Variants in YWHAB observed in about 807,000 individuals in gnomAD.
The protein encoded by YWHAB is tyrosine 3-monooxygenase/tryptophan 5-monooxygenase activation protein beta.
A neutral mutation model predicts 28.5 loss-of-function variants in YWHAB; 2 were observed. The ratio of observed to expected loss-of-function variants is 0.07; its 90% CI spans 0.03 to 0.22. The LOEUF (loss-of-function observed/expected upper bound fraction) is 0.22, where lower values mean the gene tolerates loss of function less well. YWHAB is among the 10% of genes least tolerant of loss of function. The pLI, the probability that YWHAB is intolerant of heterozygous loss-of-function variation, is 1.00. For synonymous variants in YWHAB, 103 were observed against 104.7 expected (o/e 0.98, Z 0.10); for missense variants, 148 against 297.1 (o/e 0.50, Z 3.69).
At chr20:44,905,931 C>CG (rs2066653246) in intron 4 of YWHAB, 70 bp from the exon 5 acceptor site, 1 of 1,208,196 alleles carries the variant, frequency 8.3e-7, no homozygotes, top group East Asian at 2.3e-5. Flanking sequence ...ATTCACCTAG[C>CG]GGGAAAAAAA....
At position 44,906,881 on chromosome 20, in the gene YWHAB, G is replaced by T. The variant is rs549413233; in HGVS notation, c.*443G>T. On this transcript the variant is annotated 3_prime_UTR_variant, in exon 6 of 6. Transcript: ENST00000353703. The stretch of plus-strand genomic sequence containing the variant: ...TTATAGAGATTATATTGTGATGCTG[G>T]AACTTGGAGTGAGACACACATCATT... The T allele has an allele frequency of 6.5e-6, 1 of 154,786 alleles. No individual in the cohort carries two copies. Among genetic ancestry groups the T allele is most frequent in the African/African-American group, 2.4e-5 (1 of 41,558 alleles). The allele number at this position is 154,786 out of a possible 1,614,324, so 9.6% of individuals were successfully genotyped here. A position where few individuals can be genotyped will look rare whatever the true frequency, so the allele number is the denominator to read the frequency against.
At chr20:44,887,645 T>C (rs1200001314) in intron 1 of YWHAB, 1 of 152,212 alleles carries the variant, frequency 6.6e-6, no homozygotes, top group African/African-American at 2.4e-5. Context: ...GCTGGTTCTC[T>C]AGGCAGAGTC....
At chr20:44,886,277 T>G (rs1399085745) in intron 1 of YWHAB, 1 of 152,346 alleles carries the variant, frequency 6.6e-6, no homozygotes, top group Non-Finnish European at 1.5e-5. Flanking sequence ...TGCTCCGTGC[T>G]TTCTGGTTTC....
intron 1 of YWHAB, among the ~76,000 whole-genome samples, chr20:44,899,132 G>C (rs1381543462): frequency 6.6e-6 from 1 of 151,130 alleles, no homozygotes; most frequent in Admixed American, 6.6e-5. Flanking sequence ...ATCATTTTCA[G>C]AGCCTTAAAT....
In YWHAB at chr20:44,904,949, T is replaced by C. The variant is rs765917749; in HGVS notation, c.425-19T>C. On this transcript the variant is annotated intron_variant, in intron 3 of 5. Coordinates refer to ENST00000353703, the MANE Select transcript of YWHAB (RefSeq NM_139323.4). The stretch of plus-strand genomic sequence containing the variant: ...TATGAAAGAACCGAGCCTTTAATAT[T>C]TTCATCTTTATGTTACAGCCACTGT... 8.9e-5 allele frequency: 139 copies of C among 1,568,686 alleles called. No homozygotes were observed. Among genetic ancestry groups the C allele is most frequent in the Non-Finnish European group, 1.1e-4 (131 of 1,155,826 alleles).
At chr20:44,894,938 T>G (rs998927875) in intron 1 of YWHAB, among the ~76,000 whole-genome samples, 1 of 152,274 alleles carries the variant, frequency 6.6e-6, no homozygotes, top group South Asian at 2.1e-4. Context: ...TTGATATTCA[T>G]TTGCATATGA....
At position 44,901,623 on chromosome 20, in the gene YWHAB, A is replaced by C; in HGVS notation, c.90A>C (p.Ala30=). Residue 30 remains alanine, a synonymous_variant, in exon 2 of 6, where the codon GCA becomes GCC. Transcript: ENST00000353703. ...RYDDMAAAMK[A]VTEQGHELSN... ...ATGATATGGCTGCAGCCATGAAGGC[A>C]GTCACAGAACAGGGGCATGAACTCT... 1 of 1,614,220 alleles carries C rather than the reference A, an allele frequency of 6.2e-7. No homozygotes were observed.
chr20:44,888,640 T>C (rs2066542349), intron 1 of YWHAB, among the ~76,000 whole-genome samples: 1 of 152,230 alleles, frequency 6.6e-6, no homozygotes, highest in Admixed American at 6.5e-5. Flanking sequence ...AATGGGAATA[T>C]TAGCTATTTT....
intron 1 of YWHAB, among the ~76,000 whole-genome samples, chr20:44,894,743 A>G (rs2066585566): frequency 6.6e-6 from 1 of 152,218 alleles, no homozygotes; most frequent in South Asian, 2.1e-4. Flanking sequence ...CCTCATCTTC[A>G]CAGCAACTCT....
intron 1 of YWHAB, among the ~76,000 whole-genome samples, chr20:44,888,683 C>T (rs1342392386): frequency 1.3e-5 from 2 of 152,154 alleles, no homozygotes; most frequent in African/African-American, 2.4e-5. Context: ...TATTGTGGAG[C>T]ATATACCCAT....
At chr20:44,904,242 A>G (rs1391001831) in intron 3 of YWHAB, 126 bp downstream of exon 3, 2 of 1,252,426 alleles carry the variant, frequency 1.6e-6, no homozygotes, top group Non-Finnish European at 2.2e-6. Flanking sequence ...AATTTAAAAG[A>G]CCACAGCATT....
chr20:44,891,122 A>G (rs1010380372), intron 1 of YWHAB, among the ~76,000 whole-genome samples: 6 of 150,898 alleles, frequency 4.0e-5, no homozygotes, highest in Admixed American at 3.3e-4. Flanking sequence ...AGATTTGCCT[A>G]TGTTTTTTTT....
intron 1 of YWHAB, among the ~76,000 whole-genome samples, chr20:44,890,919 T>C (rs2066557754): frequency 6.6e-6 from 1 of 152,230 alleles, no homozygotes; most frequent in East Asian, 1.9e-4. Context: ...AATTGTTATG[T>C]GCCTTTCTTT....
At chr20:44,904,243 C>CCA in intron 3 of YWHAB, 127 bp downstream of exon 3, 3 of 1,243,072 alleles carry the variant, frequency 2.4e-6, no homozygotes, top group Non-Finnish European at 1.1e-6. Context: ...ATTTAAAAGA[C>CCA]CACAGCATTG....
rs529611604 is a variant in YWHAB, at chr20:44,900,507, A to G, written c.-3-1024A>G. On this transcript the variant is annotated intron_variant, in intron 1 of 5. Transcript: ENST00000353703. ...AAGTTAGCAGATTACAGAAGATGTGATATAATCTTTCCCATCCTTCAGTTA... is the reference window on the plus strand; with the variant it reads ...AAGTTAGCAGATTACAGAAGATGTGGTATAATCTTTCCCATCCTTCAGTTA... 2.0e-5 allele frequency among the ~76,000 whole-genome samples: 3 copies of G among 152,342 alleles called. No individual in the cohort carries two copies. The South Asian group carries it at 6.2e-4, about 32-fold the overall frequency.
chr20:44,897,729 G>C (rs1241114395), intron 1 of YWHAB, among the ~76,000 whole-genome samples: 1 of 152,180 alleles, frequency 6.6e-6, no homozygotes, highest in Non-Finnish European at 1.5e-5. Context: ...GGAACCTGCA[G>C]ATATGGAGGG....
At chr20:44,888,419 A>C (rs2066540759) in intron 1 of YWHAB, among the ~76,000 whole-genome samples, 1 of 152,238 alleles carries the variant, frequency 6.6e-6, no homozygotes, top group Non-Finnish European at 1.5e-5. Flanking sequence ...CAGATGGGGA[A>C]ACTAAGGCAC....
At chr20:44,886,832 A>G (rs1333907203) in intron 1 of YWHAB, 1 of 152,158 alleles carries the variant, frequency 6.6e-6, no homozygotes, top group African/African-American at 2.4e-5. Context: ...TGTAAAATAC[A>G]TGTTTCTTGT....
In YWHAB at chr20:44,906,814, T is replaced by C. The variant is rs1327485932; in HGVS notation, c.*376T>C. On this transcript the variant is annotated 3_prime_UTR_variant, in exon 6 of 6. Transcript: ENST00000353703. ...TGGAAGGTTTAATCTGATATCAAAA[T>C]AATCATTGAAATACAATTCCATTGT... 2 of 161,396 alleles carry C rather than the reference T, an allele frequency of 1.2e-5. No individual in the cohort carries two copies. The highest frequency in any genetic ancestry group is 2.7e-5 in the Non-Finnish European group (2 of 72,994). The allele number at this position is 161,396 out of a possible 1,614,324, so 10.0% of individuals were successfully genotyped here.
Sources: gnomAD v4.1 joint callset for allele counts (sites outside exome capture counted in the v4.1 genomes callset) on GRCh38, gnomAD v4.1.1 for gene constraint, MANE v1.5 for transcripts, NCBI Gene and HGNC (gene_info 2026-07-23, HGNC 2026-07-21) for gene names.